HMCN2: variants seen among roughly 807,000 people sequenced by gnomAD.
HMCN2 encodes the protein hemicentin 2, also known as hemicentin-2.
A neutral mutation model predicts 377.5 loss-of-function variants in HMCN2; 325 were observed. The ratio of observed to expected loss-of-function variants is 0.86; its 90% CI spans 0.79 to 0.94. The LOEUF is 0.94. Among genes scored for constraint, HMCN2 ranks in the 40% least tolerant of loss-of-function variants. HMCN2 has a pLI of 0.00. For synonymous variants in HMCN2, 2,007 were observed against 2,046.8 expected, an observed-to-expected ratio of 0.98 and a Z score of 0.53; for missense variants, 4,543 against 4,725.3, an observed-to-expected ratio of 0.96 and a Z score of 1.13.
At chr9:130,392,356 C>A (rs953191136) in intron 66 of HMCN2, among the ~76,000 whole-genome samples, 16 of 152,092 alleles carry the variant, frequency 1.1e-4, no homozygotes, top group African/African-American at 3.9e-4. Context: ...GAAGGAGAGA[C>A]CAACTGGGCC....
At chr9:130,315,693 C>T (rs1837529825) in intron 15 of HMCN2, among the ~76,000 whole-genome samples, 1 of 152,016 alleles carries the variant, frequency 6.6e-6, no homozygotes, top group Non-Finnish European at 1.5e-5. Context: ...ACAGTAGACA[C>T]TCCTCACAGC....
chr9:130,394,751 G>T lies in HMCN2; in HGVS notation c.10692+176G>T, dbSNP rs142192831. Among the ~76,000 whole-genome samples, 57 of 152,332 alleles carry T rather than the reference G, an allele frequency of 3.7e-4. No individual in the cohort carries two copies. In the East Asian group the frequency reaches 8.1e-3, roughly 22 times the overall value. On this transcript the variant is annotated intron_variant, in intron 69 of 97. Transcript: ENST00000683500. The surrounding 1 kb of genome is among the most constrained non-coding windows in gnomAD (Gnocchi z 5.1). ...CGTGCCCTTGGGAGCTGCCAGCAGG[G>T]TCAGGGCCCAGGCTGATGCCAAAAC...
intron 31 of HMCN2, 124 bp downstream of exon 31, chr9:130,353,329 T>C (rs1263647716): frequency 3.8e-6 from 3 of 787,276 alleles, no homozygotes; most frequent in East Asian, 6.5e-5. Context: ...AAAAGGATAA[T>C]GGGACCAAGA....
chr9:130,370,410 G>A (rs572263742), intron 45 of HMCN2, among the ~76,000 whole-genome samples: 2 of 152,178 alleles, frequency 1.3e-5, no homozygotes, highest in Non-Finnish European at 2.9e-5. Context: ...GGTGGAGACA[G>A]GGAGTGGTAA....
At position 130,299,145 on chromosome 9, in the gene HMCN2, C is replaced by T. The variant is rs1554933271; in HGVS notation, c.1133C>T (p.Ser378Phe). 3 of 471,288 alleles carry T rather than the reference C, an allele frequency of 6.4e-6. 1 individual carries two copies. Among genetic ancestry groups the T allele is most frequent in the South Asian group, 4.6e-5 (3 of 64,570 alleles). The allele number at this position is 471,288 out of a possible 1,614,324, so 29.2% of individuals were successfully genotyped here. A position where few individuals can be genotyped will look rare whatever the true frequency, so the allele number is the denominator to read the frequency against. ...PLLTLPTKPL[S>F]NGSTHQLWGG... ...CTGACTCTGCCCACGAAGCCCCTCT[C>T]CAATGGCTCCACCCATCAGCTGTGG... The change falls in exon 8 of 98, where the codon TCC (serine) becomes TTC (phenylalanine). Residue 378 changes from serine (S) to phenylalanine (F), a missense_variant. Transcript: ENST00000683500.
In HMCN2 at chr9:130,286,117, G is replaced by T. The variant is rs1048560536; in HGVS notation, c.490-71G>T. 3 of 460,788 alleles carry T rather than the reference G, an allele frequency of 6.5e-6. No homozygotes were observed. In the Middle Eastern group the frequency reaches 1.9e-3, roughly 285 times the overall value. 28.5% of individuals were successfully genotyped at this position (460,788 alleles called of 1,614,324 possible). ...CACTCCAGGTCACTCCACCCTGGTC[G>T]AGGTCCTGCTGCTCACCCCTGAAGC... is the stretch of plus-strand genomic sequence containing the variant. On this transcript the variant is annotated intron_variant, in intron 3 of 97. Coordinates refer to ENST00000683500, the MANE Select transcript of HMCN2 (RefSeq NM_001291815.2).
chr9:130,365,923 G>A lies in HMCN2; in HGVS notation c.6553G>A (p.Glu2185Lys), dbSNP rs1192604885. ...LRESHTLTVR[E>K]GHPTRLSCEC... ...GGAATCCCACACCCTGACTGTGAGA[G>A]AGGGGCACCCTACCAGGCTGTCCTG... The change falls in exon 43 of 98, where the codon GAG becomes AAG. Residue 2185 changes from glutamate to lysine, a missense_variant. Physicochemically the swap from Glu to Lys is moderately conservative, Grantham distance 56. This residue lies in a region of HMCN2 where 1,032 missense variants were observed against 1,285.1 expected (regional missense o/e 0.80). Transcript: ENST00000683500. 1.0e-6 allele frequency: 1 copy of A among 985,642 alleles called. No homozygotes were observed. The highest frequency in any genetic ancestry group is 1.7e-5 in the African/African-American group (1 of 57,224). The allele number at this position is 985,642 out of a possible 1,614,324, so 61.1% of individuals were successfully genotyped here.
At chr9:130,348,168 G>A in intron 26 of HMCN2, 1 of 493,280 alleles carries the variant, frequency 2.0e-6, no homozygotes, top group Non-Finnish European at 2.6e-6. Context: ...GTAATGACTT[G>A]CTCAAGACAT....
Position 130,365,990 on chromosome 9 carries a change from AG to A in HMCN2, c.6622del (p.Asp2208ThrfsTer92). ...GVPFPKISWR[K>X]DGQPLPGEGA... is the part of the protein sequence containing the mutation. ...CCCTTCCCCAAGATCTCCTGGAGGAAGGACGGTAGGATTGCTGCCCTCACCC... is the reference window on the plus strand; with the variant it reads ...CCCTTCCCCAAGATCTCCTGGAGGAAGACGGTAGGATTGCTGCCCTCACCC... On this transcript the variant is annotated frameshift_variant, in exon 43 of 98. Transcript: ENST00000683500. LOFTEE classifies it high-confidence loss of function. 1.0e-6 allele frequency: 1 copy of A among 986,014 alleles called. No homozygotes were observed. The highest frequency in any genetic ancestry group is 4.7e-5 in the South Asian group (1 of 21,288). 61.1% of individuals were successfully genotyped at this position (986,014 alleles called of 1,614,324 possible).
At chr9:130,355,678 G>A (rs1338071852) in intron 32 of HMCN2, 68 bp from the exon 33 acceptor site, 4 of 897,238 alleles carry the variant, frequency 4.5e-6, no homozygotes, top group Non-Finnish European at 6.5e-6. Context: ...AAGGCTCTGG[G>A]GACTTGGGAG....
chr9:130,379,681 T>G lies in HMCN2; in HGVS notation c.8431+214T>G, dbSNP rs112093292. 8.0e-3 allele frequency among the ~76,000 whole-genome samples: 1,225 copies of G among 152,330 alleles called. 25 individuals are homozygous for G. The highest frequency in any genetic ancestry group is 0.028 in the African/African-American group (1,144 of 41,570). On this transcript the variant is annotated intron_variant, in intron 54 of 97. Coordinates refer to ENST00000683500, the MANE Select transcript of HMCN2 (RefSeq NM_001291815.2). Reference sequence around the variant, plus strand: ...CCTCCTATCATGGGGCATGCCCTTCTGGGCTTCAAGATCTGTAATGTCCTT... The same window carrying G: ...CCTCCTATCATGGGGCATGCCCTTCGGGGCTTCAAGATCTGTAATGTCCTT...
In HMCN2 at chr9:130,306,823, C is replaced by T. The variant is rs566893691; in HGVS notation, c.1971C>T (p.Asp657=). 16 of 468,832 alleles carry T rather than the reference C, an allele frequency of 3.4e-5. No homozygotes were observed. The highest frequency in any genetic ancestry group is 2.1e-4 in the East Asian group (3 of 14,334). The allele number at this position is 468,832 out of a possible 1,614,324, so 29.0% of individuals were successfully genotyped here. A position where few individuals can be genotyped will look rare whatever the true frequency, so the allele number is the denominator to read the frequency against. The part of the protein sequence containing the change: ...ALQEDSRIHV[D]AQGTLIIQGV... ...GGCATGATTCTAGAATCCATGTGGA[C>T]GCACAGGGAACCCTGATTATTCAGG... is the stretch of plus-strand genomic sequence containing the variant. The change falls in exon 13 of 98, where the codon GAC becomes GAT. Residue 657 remains aspartate (D), a synonymous_variant. Transcript: ENST00000683500.
rs577467304 is a variant in HMCN2 at position 130,277,177 on chromosome 9, A to G, written c.260-7426A>G. On this transcript the variant is annotated intron_variant, in intron 1 of 97. Coordinates refer to ENST00000683500, the MANE Select transcript of HMCN2 (RefSeq NM_001291815.2). ...CTGGCCCCACACCCTCCTCTTGCCC[A>G]GTGGAAAAAACCCCGCCTGTGGCTT... Among the ~76,000 whole-genome samples, 38 of 152,374 alleles carry G rather than the reference A, an allele frequency of 2.5e-4. No individual in the cohort carries two copies. The East Asian group carries it at 6.4e-3, about 26-fold the overall frequency.
intron 1 of HMCN2, among the ~76,000 whole-genome samples, chr9:130,271,468 G>C (rs562118141): frequency 6.7e-6 from 1 of 149,336 alleles, no homozygotes; most frequent in East Asian, 1.9e-4. Flanking sequence ...TATACTTTGT[G>C]TTATGATCCT....
Position 130,410,606 on chromosome 9 carries a change from G to C in HMCN2, c.12915G>C (p.Glu4305Asp). The change falls in exon 85 of 98, where the codon GAG becomes GAC. Residue 4305 changes from glutamate to aspartate, a missense_variant. Around this residue, in one of 5 missense-constraint regions of HMCN2, gnomAD observed 1,155 missense variants for 1,157.7 expected, o/e 1.00. Transcript: ENST00000683500. ...CGGGACGGTACCAGTGCCTGGCAGA[G>C]AATGAGATGGGCGTGGCGAAGAAAG... Reference protein sequence around the residue: ...DDAGRYQCLAENEMGVAKKVV... With the variant: ...DDAGRYQCLADNEMGVAKKVV... 6.4e-7 allele frequency: 1 copy of C among 1,550,660 alleles called. No homozygotes were observed. The highest frequency in any genetic ancestry group is 8.7e-7 in the Non-Finnish European group (1 of 1,147,016).
At chr9:130,432,205 G>A (rs563158895) in intron 96 of HMCN2, among the ~76,000 whole-genome samples, 3 of 152,244 alleles carry the variant, frequency 2.0e-5, no homozygotes, top group South Asian at 4.2e-4. Flanking sequence ...AGGCCCCCAC[G>A]GTGCCCACCT....
chr9:130,305,273 T>A (rs1188161132), intron 11 of HMCN2, among the ~76,000 whole-genome samples: 3 of 152,178 alleles, frequency 2.0e-5, no homozygotes, highest in Non-Finnish European at 4.4e-5. Context: ...TTGTCCTTTT[T>A]CCGTGCCATC....
rs543691108 is a variant in HMCN2, at chr9:130,353,175, G to T, written c.4834G>T (p.Ala1612Ser). Residue 1612 changes from alanine to serine, a missense_variant, in exon 31 of 98, where the codon GCA becomes TCA. By Grantham distance (99) the Ala-to-Ser change is moderately conservative (BLOSUM62 1). Coordinates refer to ENST00000683500, the MANE Select transcript of HMCN2 (RefSeq NM_001291815.2). Reference sequence around the variant, plus strand: ...CAAGGCCAGCAATGCTGTGGGGGCCGCAGAGAAGGCCACCAGGCTGGATGT... The same window carrying T: ...CAAGGCCAGCAATGCTGTGGGGGCCTCAGAGAAGGCCACCAGGCTGGATGT... ...TCKASNAVGA[A>S]EKATRLDVYV... The T allele has an allele frequency of 5.6e-5, 73 of 1,303,876 alleles. No homozygotes were observed. Among genetic ancestry groups the T allele is most frequent in the Non-Finnish European group, 7.1e-5 (70 of 988,932 alleles). 80.8% of individuals were successfully genotyped at this position (1,303,876 alleles called of 1,614,324 possible).
intron 34 of HMCN2, 72 bp from the exon 35 acceptor site, chr9:130,357,762 G>A: frequency 8.5e-7 from 1 of 1,170,368 alleles, no homozygotes; most frequent in Non-Finnish European, 1.1e-6. Context: ...CAGGCATCGA[G>A]GGGGTTGCTG....
Sources: allele counts gnomAD v4.1 joint callset (sites outside exome capture counted in the v4.1 genomes callset), GRCh38; gene constraint gnomAD v4.1.1; regional missense constraint gnomAD v4.1.1; non-coding constraint Gnocchi (gnomAD v3.1); transcripts MANE v1.5; gene names NCBI Gene and HGNC (gene_info 2026-07-23, HGNC 2026-07-21).